DNAH5: variants seen among roughly 807,000 people sequenced by gnomAD.
DNAH5 encodes the protein dynein axonemal heavy chain 5, also known as axonemal beta dynein heavy chain 5.
In DNAH5, 372 loss-of-function variants were observed where a neutral mutation model predicts 518.2. The observed-to-expected ratio is 0.72, with a 90% CI of 0.66 to 0.78. The LOEUF is 0.78. Ranked by LOEUF, DNAH5 falls within the 30% of genes least tolerant of loss-of-function variation. The pLI is 0.00. For missense variants in DNAH5, 5,523 were observed against 5,687.0 expected, an observed-to-expected ratio of 0.97 and a Z score of 0.93; for synonymous variants, 2,039 against 2,025.9, an observed-to-expected ratio of 1.01 and a Z score of -0.17.
chr5:13,776,390 G>C (rs751770991), intron 55 of DNAH5, 49 bp downstream of exon 55: 4 of 1,612,170 alleles, frequency 2.5e-6, no homozygotes, highest in African/African-American at 2.7e-5. Context: ...GAAAGAACTA[G>C]AATCCTTGAA....
rs1156933558 is a variant in DNAH5, at chr5:13,753,344, G to A, written c.10761C>T (p.Ser3587=). ...TCGTGACAATAATTCCATTTTGAAT[G>A]GACAAGTCATCATTTGGCAGACCTT... ...NLQGLPNDDL[S]IQNGIIVTKA... Residue 3587 remains serine (S), a synonymous_variant, in exon 63 of 79, where the codon TCC becomes TCT. Transcript: ENST00000265104. The A allele has an allele frequency of 6.2e-7, 1 of 1,613,844 alleles. No individual in the cohort carries two copies. The highest frequency in any genetic ancestry group is 2.2e-5 in the East Asian group (1 of 44,854).
chr5:13,724,234 C>G (rs139124694), intron 70 of DNAH5, among the ~76,000 whole-genome samples: 3 of 152,222 alleles, frequency 2.0e-5, no homozygotes, highest in African/African-American at 7.2e-5. Context: ...ACCAGTGTGC[C>G]TTGGATGCAG....
At chr5:13,799,206 A>ACCCC (rs70964509) in intron 47 of DNAH5, among the ~76,000 whole-genome samples, 9 of 139,080 alleles carry the variant, frequency 6.5e-5, no homozygotes, top group African/African-American at 1.3e-4. Context: ...AGAATTTCAT[A>ACCCC]CCCCCCCCCA....
At chr5:13,921,460 T>TTC (rs1491249915) in intron 5 of DNAH5, among the ~76,000 whole-genome samples, 3 of 51,464 alleles carry the variant, frequency 5.8e-5, no homozygotes, top group Admixed American at 2.0e-4. Flanking sequence ...CTCTCTCTCT[T>TTC]GCTCTATCTC....
intron 29 of DNAH5, among the ~76,000 whole-genome samples, chr5:13,861,690 C>T (rs1301275999): frequency 2.6e-5 from 4 of 152,122 alleles, no homozygotes; most frequent in Non-Finnish European, 4.4e-5. Context: ...GGCACAGTGG[C>T]TCATGCCTGT....
At chr5:13,996,634 T>C (rs1181877030) in intron 1 of DNAH5, among the ~76,000 whole-genome samples, 1 of 152,218 alleles carries the variant, frequency 6.6e-6, no homozygotes, top group Non-Finnish European at 1.5e-5. Context: ...GCAAACAACA[T>C]TAAACCTTAA....
chr5:13,829,896 G>C, intron 37 of DNAH5, 130 bp downstream of exon 37: 1 of 895,252 alleles, frequency 1.1e-6, no homozygotes, highest in South Asian at 1.5e-5. Flanking sequence ...AACACCAAAA[G>C]GTTTTCAAAA....
At chr5:13,695,246 TGGCCCTC>T (rs1205878247) in intron 78 of DNAH5, among the ~76,000 whole-genome samples, 5 of 152,326 alleles carry the variant, frequency 3.3e-5, no homozygotes, top group Admixed American at 3.3e-4. Flanking sequence ...CCGAGTATCC[TGGCCCTC>T]GGCTCACAGT....
chr5:13,814,912 T>G, intron 42 of DNAH5, 66 bp from the exon 43 acceptor site: 1 of 1,451,606 alleles, frequency 6.9e-7, no homozygotes, highest in Non-Finnish European at 9.5e-7. Flanking sequence ...ACACATAAGT[T>G]TAAAATAGCT....
At chr5:13,842,250 G>A (rs1032983755) in intron 32 of DNAH5, among the ~76,000 whole-genome samples, 1 of 151,498 alleles carries the variant, frequency 6.6e-6, no homozygotes, top group Non-Finnish European at 1.5e-5. Flanking sequence ...CATGGTGGTG[G>A]GCGCCTATAA....
chr5:13,736,053 A>G (rs1747363195), intron 66 of DNAH5, 121 bp from the exon 67 acceptor site: 9 of 753,396 alleles, frequency 1.2e-5, no homozygotes, highest in Non-Finnish European at 2.2e-5. Flanking sequence ...GTGGCTGCCT[A>G]CCAGATACGG....
intron 58 of DNAH5, among the ~76,000 whole-genome samples, chr5:13,767,566 A>G (rs575793340): frequency 6.6e-6 from 1 of 152,358 alleles, no homozygotes; most frequent in South Asian, 2.1e-4. Context: ...ATAGAACAGC[A>G]GCCAGTGAGG....
rs758897841 is a variant in DNAH5 at position 13,700,724 on chromosome 5, T to C, written c.13639A>G (p.Lys4547Glu). 3.7e-6 allele frequency: 6 copies of C among 1,614,068 alleles called. No homozygotes were observed. The highest frequency in any genetic ancestry group is 5.1e-6 in the Non-Finnish European group (6 of 1,180,016). ...GLYLEGAGWD[K>E]RNMKLIESKP... Reference sequence around the variant, plus strand: ...GATTCAATGAGTTTCATGTTCCTCTTGTCCCAGCCAGCACCTTCAAGATAT... The same window carrying C: ...GATTCAATGAGTTTCATGTTCCTCTCGTCCCAGCCAGCACCTTCAAGATAT... Residue 4547 changes from lysine (K) to glutamate (E), a missense_variant, in exon 78 of 79, where the codon AAG becomes GAG. Around this residue, in one of 3 missense-constraint regions of DNAH5, gnomAD observed 387 missense variants for 430.0 expected, o/e 0.90. Coordinates refer to ENST00000265104, the MANE Select transcript of DNAH5 (RefSeq NM_001369.3).
intron 1 of DNAH5, among the ~76,000 whole-genome samples, chr5:13,941,411 C>T (rs1779448419): frequency 6.6e-6 from 1 of 152,018 alleles, no homozygotes. Context: ...CCAGCTAAAC[C>T]CTAGATCCAT....
intron 49 of DNAH5, among the ~76,000 whole-genome samples, chr5:13,793,218 G>T (rs1164648847): frequency 6.6e-6 from 1 of 152,190 alleles, no homozygotes; most frequent in Non-Finnish European, 1.5e-5. Context: ...ACAACCTCAT[G>T]TATGGGGAAA....
intron 1 of DNAH5, among the ~76,000 whole-genome samples, chr5:13,970,073 T>C (rs1406570048): frequency 6.6e-6 from 1 of 152,220 alleles, no homozygotes; most frequent in Non-Finnish European, 1.5e-5. Flanking sequence ...TAATGGTTGT[T>C]GCTTTCAAGT....
intron 34 of DNAH5, among the ~76,000 whole-genome samples, chr5:13,840,042 G>A (rs1280927314): frequency 6.6e-6 from 1 of 152,170 alleles, no homozygotes; most frequent in Non-Finnish European, 1.5e-5. Context: ...GCCTGGAAAT[G>A]CTTTTGTCCA....
At chr5:13,754,133 TTAAAGTA>T (rs1750658163) in intron 62 of DNAH5, 63 bp downstream of exon 62, 10 of 1,588,858 alleles carry the variant, frequency 6.3e-6, no homozygotes, top group Non-Finnish European at 8.6e-6. Context: ...AGGAATTTGA[TTAAAGTA>T]TAAGCTTTCG....
chr5:13,850,569 C>T (rs937593245), intron 31 of DNAH5, 83 bp downstream of exon 31: 1 of 1,265,586 alleles, frequency 7.9e-7, no homozygotes, highest in Non-Finnish European at 1.2e-6. Context: ...CAAAAGAAAA[C>T]AAATTTGGCT....
Sources: gnomAD v4.1 joint callset for allele counts (sites outside exome capture counted in the v4.1 genomes callset) on GRCh38, gnomAD v4.1.1 for gene constraint, gnomAD v4.1.1 regional missense constraint, MANE v1.5 for transcripts, NCBI Gene and HGNC (gene_info 2026-07-23, HGNC 2026-07-21) for gene names.